The following PCDHGA7 variants were observed in gnomAD, a reference collection of about 807,000 sequenced individuals.
PCDHGA7 encodes protocadherin gamma subfamily A, 7.
In PCDHGA7, 44 loss-of-function variants were observed where a neutral mutation model predicts 58.3. That is an observed-to-expected ratio of 0.75 (90% CI 0.59 to 0.97). The LOEUF (loss-of-function observed/expected upper bound fraction) is 0.97, where lower values mean the gene tolerates loss of function less well. Ranked by LOEUF, PCDHGA7 falls within the 50% of genes least tolerant of loss-of-function variation. PCDHGA7 has a pLI of 0.00. For synonymous variants in PCDHGA7, 516 were observed against 504.2 expected, an observed-to-expected ratio of 1.02 and a Z score of -0.31; for missense variants, 1,266 against 1,188.7, an observed-to-expected ratio of 1.06 and a Z score of -0.96.
rs756549446 is a variant in PCDHGA7 at position 141,477,301 on chromosome 5, C to G, written c.2425-17506C>G. 32 of 1,614,042 alleles carry G rather than the reference C, an allele frequency of 2.0e-5. 2 individuals carry two copies. In the South Asian group the frequency reaches 3.4e-4, roughly 17 times the overall value. On this transcript the variant is annotated intron_variant, in intron 1 of 3. Coordinates refer to ENST00000518325, the MANE Select transcript of PCDHGA7 (RefSeq NM_018920.4). The surrounding 1 kb of genome is among the most constrained non-coding windows in gnomAD (Gnocchi z 4.9). The stretch of plus-strand genomic sequence containing the variant: ...TGACCTGCGAAGTTCCACCGGGTCT[C>G]CCTTTCAGCCTTACTTCTTCCCTCA...
Position 141,485,778 on chromosome 5 carries a change from G to T in PCDHGA7, c.2425-9029G>T. The T allele has an allele frequency of 6.2e-7, 1 of 1,614,216 alleles. No individual in the cohort carries two copies. Among genetic ancestry groups the T allele is most frequent in the Admixed American group, 1.7e-5 (1 of 60,028 alleles). ...CTGCTCCTGGAGAAGCCTTTGGATC[G>T]AGAGAAGCAATCGGACTACCGCCTG... is the stretch of plus-strand genomic sequence containing the variant. On this transcript the variant is annotated intron_variant, in intron 1 of 3. Coordinates refer to ENST00000518325, the MANE Select transcript of PCDHGA7 (RefSeq NM_018920.4). The surrounding 1 kb of genome is among the most constrained non-coding windows in gnomAD (Gnocchi z 5.7).
chr5:141,478,073 G>A (rs756198123), intron 1 of PCDHGA7: 1 of 1,614,098 alleles, frequency 6.2e-7, no homozygotes, highest in Admixed American at 1.7e-5. Context: ...AGACAATGGG[G>A]AGCCTTCGCT....
intron 1 of PCDHGA7, chr5:141,414,230 C>G (rs367888906): frequency 6.2e-7 from 1 of 1,613,190 alleles, no homozygotes; most frequent in Non-Finnish European, 8.5e-7. Flanking sequence ...CCAGAGCTGA[C>G]CATCACGTCT....
At chr5:141,409,745 T>G (rs968473065) in intron 1 of PCDHGA7, 9 of 1,613,074 alleles carry the variant, frequency 5.6e-6, no homozygotes, top group Non-Finnish European at 7.6e-6. Flanking sequence ...CGGGGTGGTG[T>G]TCGCGCAGCG....
At chr5:141,415,284 G>A (rs186109113) in intron 1 of PCDHGA7, 27 of 1,614,198 alleles carry the variant, frequency 1.7e-5, no homozygotes, top group Non-Finnish European at 2.3e-5. Context: ...CGGTGGCCGC[G>A]GTCTCCTGCG....
rs536313993 is a variant in PCDHGA7, at chr5:141,436,142, T to G, written c.2424+50819T>G. Among the ~76,000 whole-genome samples, 46 of 152,334 alleles carry G rather than the reference T, an allele frequency of 3.0e-4. No homozygotes were observed. The South Asian group carries it at 3.1e-3, about 10-fold the overall frequency. ...CTCTCCTCCATCATCTTGTATGAAC[T>G]ACCAAAATGTTTATCATATGGACAG... On this transcript the variant is annotated intron_variant, in intron 1 of 3. Coordinates refer to ENST00000518325, the MANE Select transcript of PCDHGA7 (RefSeq NM_018920.4).
intron 1 of PCDHGA7, chr5:141,423,945 A>T (rs931771609): frequency 4.1e-6 from 5 of 1,207,688 alleles, no homozygotes; most frequent in Non-Finnish European, 4.1e-6. Context: ...AGTAAGTTGA[A>T]TTTTAGTATT....
intron 1 of PCDHGA7, chr5:141,414,180 A>T: frequency 6.2e-7 from 1 of 1,608,986 alleles, no homozygotes; most frequent in Non-Finnish European, 8.5e-7. Context: ...TTGCAACTGC[A>T]AAAGTGTTGA....
At chr5:141,498,669 C>T (rs774292307) in intron 2 of PCDHGA7, among the ~76,000 whole-genome samples, 29 of 152,156 alleles carry the variant, frequency 1.9e-4, no homozygotes, top group African/African-American at 6.0e-4. Flanking sequence ...TGGTGGCTCA[C>T]GCCTGTAATC....
intron 1 of PCDHGA7, chr5:141,393,857 C>G (rs753457502): frequency 6.8e-6 from 11 of 1,613,978 alleles, no homozygotes; most frequent in Non-Finnish European, 9.3e-6. Flanking sequence ...CAGAAGTGAT[C>G]ATTACGTCTT....
At position 141,477,806 on chromosome 5, in the gene PCDHGA7, G is replaced by GC; in HGVS notation, c.2425-16995dup. Reference sequence around the variant, plus strand: ...ATTTGTCACTGATCGCAATGACAATGCCCCCCAGGTCCTATATCCTCGGCC... The same window carrying GC: ...ATTTGTCACTGATCGCAATGACAATGCCCCCCCAGGTCCTATATCCTCGGCC... On this transcript the variant is annotated intron_variant, in intron 1 of 3. Transcript: ENST00000518325. This position sits in a 1 kb window ranked among gnomAD's most constrained non-coding sequence, Gnocchi z 4.9. 1 of 1,614,114 alleles carries GC rather than the reference G, an allele frequency of 6.2e-7. No homozygotes were observed.
intron 1 of PCDHGA7, chr5:141,428,173 CGGA>C (rs770477048): frequency 1.3e-6 from 2 of 1,514,730 alleles, no homozygotes. Context: ...CTGTGCGTGA[CGGA>C]GGACAGCCGC....
Position 141,490,911 on chromosome 5 carries a change from G to C in PCDHGA7, c.2425-3896G>C. On this transcript the variant is annotated intron_variant, in intron 1 of 3. Coordinates refer to ENST00000518325, the MANE Select transcript of PCDHGA7 (RefSeq NM_018920.4). The surrounding 1 kb of genome is among the most constrained non-coding windows in gnomAD (Gnocchi z 5.4). ...CTCTGCATGTGTTTGTCCTAGACGA[G>C]AATGATAATGCCCCAGCTGTGCTGC... is the stretch of plus-strand genomic sequence containing the variant. The C allele has an allele frequency of 6.2e-7, 1 of 1,613,722 alleles. No homozygotes were observed. Among genetic ancestry groups the C allele is most frequent in the East Asian group, 2.2e-5 (1 of 44,870 alleles).
At chr5:141,502,024 C>G (rs2099812413) in intron 2 of PCDHGA7, among the ~76,000 whole-genome samples, 1 of 152,152 alleles carries the variant, frequency 6.6e-6, no homozygotes, top group African/African-American at 2.4e-5. Context: ...TCCCTGCAAC[C>G]CCCGCCGCTT....
chr5:141,395,063 G>A, intron 1 of PCDHGA7: 3 of 1,614,168 alleles, frequency 1.9e-6, no homozygotes, highest in Non-Finnish European at 2.5e-6. Flanking sequence ...AGGCTTTCCT[G>A]CAGACCTATT....
intron 1 of PCDHGA7, among the ~76,000 whole-genome samples, chr5:141,452,648 GCTCCATCCACTGCA>G (rs2098746292): frequency 6.6e-6 from 1 of 151,930 alleles, no homozygotes; most frequent in African/African-American, 2.4e-5. Flanking sequence ...TTACTCATTT[GCTCCATCCACTGCA>G]CTCCAGCCTA....
chr5:141,441,623 C>T (rs530409184), intron 1 of PCDHGA7: 2 of 224,422 alleles, frequency 8.9e-6, no homozygotes, highest in Non-Finnish European at 1.8e-5. Flanking sequence ...TGGCCAGTGA[C>T]CTGGAGCCAC....
intron 1 of PCDHGA7, chr5:141,409,995 C>T: frequency 1.2e-6 from 2 of 1,613,308 alleles, no homozygotes; most frequent in Non-Finnish European, 1.7e-6. Context: ...GACGCCGACT[C>T]GGGACACAAC....
chr5:141,489,470 T>C lies in PCDHGA7; in HGVS notation c.2425-5337T>C, dbSNP rs1030378524. 1 of 1,613,874 alleles carries C rather than the reference T, an allele frequency of 6.2e-7. No homozygotes were observed. The highest frequency in any genetic ancestry group is 8.5e-7 in the Non-Finnish European group (1 of 1,179,838). ...GAGGAGAATGGGCGCTATTTTTCCCTGAGCTTGATGAGTGGTGCCCTGGCA... is the reference window on the plus strand; with the variant it reads ...GAGGAGAATGGGCGCTATTTTTCCCCGAGCTTGATGAGTGGTGCCCTGGCA... On this transcript the variant is annotated intron_variant, in intron 1 of 3. Transcript: ENST00000518325. This position sits in a 1 kb window ranked among gnomAD's most constrained non-coding sequence, Gnocchi z 4.5.
Sources: gnomAD v4.1 joint callset for allele counts (sites outside exome capture counted in the v4.1 genomes callset) on GRCh38, gnomAD v4.1.1 for gene constraint, Gnocchi (gnomAD v3.1) non-coding constraint, MANE v1.5 for transcripts, NCBI Gene and HGNC (gene_info 2026-07-23, HGNC 2026-07-21) for gene names.